The following MED13 variants were observed in gnomAD, a reference collection of about 807,000 sequenced individuals.
The protein encoded by MED13 is mediator of RNA polymerase II transcription subunit 13.
MED13 carries 23 observed loss-of-function variants against 225.2 expected under a neutral mutation model. That is an observed-to-expected ratio of 0.10 (90% CI 0.07 to 0.14). The LOEUF is 0.14. Among genes scored for constraint, MED13 ranks in the 10% least tolerant of loss-of-function variants. MED13 has a pLI of 1.00. For synonymous variants in MED13, 942 were observed against 889.2 expected (o/e 1.06, Z -1.06); for missense variants, 2,197 against 2,594.5 (o/e 0.85, Z 3.33).
chr17:61,973,828 T>G (rs887884760), intron 16 of MED13, among the ~76,000 whole-genome samples: 1 of 151,462 alleles, frequency 6.6e-6, no homozygotes, highest in Non-Finnish European at 1.5e-5. Flanking sequence ...CCAAAAAATA[T>G]AAAACTTAGC....
intron 9 of MED13, chr17:62,003,621 A>AAAC (rs10679175): frequency 1.4e-5 from 2 of 144,542 alleles, no homozygotes; most frequent in African/African-American, 5.1e-5. Context: ...AAAAAAAAAA[A>AAAC]GCAAAAAGTG....
At chr17:61,998,928 T>A (rs1260283362) in intron 9 of MED13, among the ~76,000 whole-genome samples, 1 of 37,588 alleles carries the variant, frequency 2.7e-5, no homozygotes, top group African/African-American at 3.5e-4. Flanking sequence ...AATGGTACTT[T>A]TTTTTTTTTT....
intron 2 of MED13, among the ~76,000 whole-genome samples, chr17:62,059,529 C>T (rs1429639870): frequency 1.3e-5 from 2 of 152,176 alleles, no homozygotes; most frequent in Non-Finnish European, 2.9e-5. Context: ...TGGGTCCTTC[C>T]GGTACCCCAT....
intron 5 of MED13, 38 bp downstream of exon 5, chr17:62,033,749 T>A (rs766137091): frequency 1.3e-6 from 2 of 1,583,194 alleles, no homozygotes; most frequent in Non-Finnish European, 8.6e-7. Context: ...CATACAATCA[T>A]GCATTTTCCC....
intron 15 of MED13, 31 bp downstream of exon 15, chr17:61,984,140 T>C (rs779209598): frequency 7.1e-7 from 1 of 1,406,714 alleles, no homozygotes; most frequent in Non-Finnish European, 9.4e-7. Flanking sequence ...GTATAAGCAG[T>C]CACATACTAT....
In MED13 at chr17:61,968,054, T is replaced by C. The variant is rs1278066428; in HGVS notation, c.4172A>G (p.Asp1391Gly). The change falls in exon 18 of 30, where the codon GAT becomes GGT. Residue 1391 changes from aspartate to glycine, a missense_variant. Around this residue, in one of 12 missense-constraint regions of MED13, gnomAD observed 457 missense variants for 442.2 expected, o/e 1.03. Coordinates refer to ENST00000397786, the MANE Select transcript of MED13 (RefSeq NM_005121.3). ...ACCTACCTCATATATTGCAGTAAGATCTCTAAAAAAGCTTTTTGCTCCATT... is the reference window on the plus strand; with the variant it reads ...ACCTACCTCATATATTGCAGTAAGACCTCTAAAAAAGCTTTTTGCTCCATT... ...LLNGAKSFFR[D>G]LTAIYESCRL... 8 of 1,612,048 alleles carry C rather than the reference T, an allele frequency of 5.0e-6. No individual in the cohort carries two copies. In the South Asian group the frequency reaches 8.8e-5, roughly 18 times the overall value.
chr17:61,992,291 T>C (rs968350104), intron 11 of MED13, among the ~76,000 whole-genome samples: 1 of 152,200 alleles, frequency 6.6e-6, no homozygotes, highest in Non-Finnish European at 1.5e-5. Flanking sequence ...AAACTGAGTT[T>C]TTAATAGAAA....
chr17:61,984,982 C>A lies in MED13; in HGVS notation c.2476+18G>T. On this transcript the variant is annotated intron_variant, in intron 13 of 29. Coordinates refer to ENST00000397786, the MANE Select transcript of MED13 (RefSeq NM_005121.3). ...AAAGTTCGCAAATTTATCTCGAGCACAGATGAGGGAAGCTTACTTATGCAA... is the reference window on the plus strand; with the variant it reads ...AAAGTTCGCAAATTTATCTCGAGCAAAGATGAGGGAAGCTTACTTATGCAA... The A allele has an allele frequency of 6.2e-7, 1 of 1,611,654 alleles. No individual in the cohort carries two copies. The highest frequency in any genetic ancestry group is 8.5e-7 in the Non-Finnish European group (1 of 1,178,948).
At chr17:61,979,226 A>G (rs1471087287) in intron 16 of MED13, among the ~76,000 whole-genome samples, 1 of 152,184 alleles carries the variant, frequency 6.6e-6, no homozygotes, top group Non-Finnish European at 1.5e-5. Flanking sequence ...AGATTCATCT[A>G]TTTGTTATAC....
At position 61,982,575 on chromosome 17, in the gene MED13, T is replaced by G. The variant is rs777106335; in HGVS notation, c.3428A>C (p.Glu1143Ala). The G allele has an allele frequency of 6.2e-7, 1 of 1,614,236 alleles. No individual in the cohort carries two copies. The highest frequency in any genetic ancestry group is 1.7e-5 in the Admixed American group (1 of 60,024). Residue 1143 changes from glutamate (E) to alanine (A), a missense_variant, in exon 16 of 30, where the codon GAA becomes GCA. Physicochemically the swap from Glu to Ala is moderately radical, Grantham distance 107 (BLOSUM62 -1). Transcript: ENST00000397786. ...GCGTCCTATGATATCTAGTTCATCT[T>G]CAAGAAATAATCCTGAATTGTTTCC... is the stretch of plus-strand genomic sequence containing the variant. ...KFGNNSGLFL[E>A]DELDIIGRNT...
At chr17:62,024,262 C>G (rs1603404284) in intron 8 of MED13, among the ~76,000 whole-genome samples, 2 of 152,216 alleles carry the variant, frequency 1.3e-5, no homozygotes, top group African/African-American at 2.4e-5. Flanking sequence ...ACGTGATCCA[C>G]CTGCCTCAGC....
intron 3 of MED13, among the ~76,000 whole-genome samples, chr17:62,050,500 A>C (rs935551835): frequency 1.4e-5 from 2 of 144,088 alleles, no homozygotes; most frequent in African/African-American, 5.1e-5. Flanking sequence ...TGTTGTGACC[A>C]AAAAAAAAAA....
chr17:62,050,504 A>G (rs970495605), intron 3 of MED13, among the ~76,000 whole-genome samples: 2 of 152,156 alleles, frequency 1.3e-5, no homozygotes, highest in Non-Finnish European at 2.9e-5. Flanking sequence ...GTGACCAAAA[A>G]AAAAAAAAGT....
intron 3 of MED13, among the ~76,000 whole-genome samples, chr17:62,039,088 A>G (rs907768126): frequency 3.3e-5 from 5 of 152,298 alleles, no homozygotes; most frequent in Middle Eastern, 3.4e-3. Context: ...AAAACATGTA[A>G]CCAATGGTCT....
chr17:61,992,051 G>A (rs2080304135), intron 11 of MED13, among the ~76,000 whole-genome samples: 1 of 152,238 alleles, frequency 6.6e-6, no homozygotes, highest in Non-Finnish European at 1.5e-5. Context: ...TGTCTTCAGA[G>A]AGCAAACACT....
chr17:61,961,519 CAAAAAA>C, intron 22 of MED13, 63 bp downstream of exon 22: 352 of 729,734 alleles, frequency 4.8e-4, no homozygotes, highest in East Asian at 1.1e-3. Context: ...GGCTCCATCT[CAAAAAA>C]AAAAAAAAAA....
rs1443943901 is a variant in MED13 at position 62,011,218 on chromosome 17, C to T, written c.1299G>A (p.Lys433=). The change falls in exon 9 of 30, where the codon AAG becomes AAA. Residue 433 remains lysine (K), a synonymous_variant. Coordinates refer to ENST00000397786, the MANE Select transcript of MED13 (RefSeq NM_005121.3). The part of the protein sequence containing the change: ...NCSCLRHKNL[K]SRNAGQQGQA... The stretch of plus-strand genomic sequence containing the variant: ...GTCCTTGTTGTCCAGCATTTCTTGA[C>T]TTGAGATTTTTGTGCCTGAAAAGTG... 2 of 1,604,124 alleles carry T rather than the reference C, an allele frequency of 1.2e-6. No individual in the cohort carries two copies. Among genetic ancestry groups the T allele is most frequent in the Non-Finnish European group, 1.7e-6 (2 of 1,176,282 alleles).
rs1009876793 is a variant in MED13 at position 61,983,047 on chromosome 17, T to C, written c.2956A>G (p.Met986Val). 2 of 1,613,776 alleles carry C rather than the reference T, an allele frequency of 1.2e-6. No homozygotes were observed. Among genetic ancestry groups the C allele is most frequent in the African/African-American group, 1.3e-5 (1 of 74,998 alleles). Residue 986 changes from methionine (M) to valine (V), a missense_variant, in exon 16 of 30, where the codon ATG becomes GTG. Met to Val is a conservative substitution (Grantham distance 21). This residue lies in a region of MED13 where 160 missense variants were observed against 184.8 expected (regional missense o/e 0.87). Coordinates refer to ENST00000397786, the MANE Select transcript of MED13 (RefSeq NM_005121.3). ...YTPQTHTSFG[M>V]PPSSAPPSNS... is the part of the protein sequence containing the mutation. ...CTAGGAGGTGCACTGCTAGGAGGCA[T>C]CCCAAAAGAAGTATGAGTTTGAGGT... is the stretch of plus-strand genomic sequence containing the variant.
chr17:61,990,589 C>CTATATA (rs150828631), intron 11 of MED13, among the ~76,000 whole-genome samples: 254 of 143,166 alleles, frequency 1.8e-3, no homozygotes, highest in African/African-American at 6.3e-3. Flanking sequence ...TAGGGTCTCA[C>CTATATA]TATATATATA....
Sources: gnomAD v4.1 joint callset for allele counts (sites outside exome capture counted in the v4.1 genomes callset) on GRCh38, gnomAD v4.1.1 for gene constraint, gnomAD v4.1.1 regional missense constraint, MANE v1.5 for transcripts, NCBI Gene and HGNC (gene_info 2026-07-23, HGNC 2026-07-21) for gene names.